CDA: variants seen among roughly 807,000 people sequenced by gnomAD.
The protein encoded by CDA is cytidine deaminase.
CDA carries 7 observed loss-of-function variants against 15.0 expected under a neutral mutation model. That is an observed-to-expected ratio of 0.47 (90% CI 0.26 to 0.87). The LOEUF is 0.87. Among genes scored for constraint, CDA ranks in the 40% least tolerant of loss-of-function variants. CDA has a pLI of 0.15. For synonymous variants in CDA, 58 were observed against 73.0 expected, an observed-to-expected ratio of 0.79 and a Z score of 1.05; for missense variants, 159 against 182.7, an observed-to-expected ratio of 0.87 and a Z score of 0.75.
intron 2 of CDA, among the ~76,000 whole-genome samples, chr1:20,611,102 C>A (rs922162282): frequency 1.3e-5 from 2 of 151,994 alleles, no homozygotes; most frequent in Non-Finnish European, 2.9e-5. Flanking sequence ...GAGTCAAGTG[C>A]GGTGGTGCGT....
intron 3 of CDA, among the ~76,000 whole-genome samples, chr1:20,617,314 T>A (rs562683100): frequency 6.6e-6 from 1 of 152,338 alleles, no homozygotes; most frequent in African/African-American, 2.4e-5. Context: ...ATCAGTAAAA[T>A]GGGCATCATG....
chr1:20,594,881 G>A (rs114089612), intron 1 of CDA, among the ~76,000 whole-genome samples: 1,961 of 152,254 alleles, frequency 0.013, 40 homozygotes, highest in African/African-American at 0.045. Flanking sequence ...CTTGCACATG[G>A]CTGAGGCTCA....
chr1:20,601,515 G>C (rs1229175193), intron 1 of CDA, among the ~76,000 whole-genome samples: 2 of 152,136 alleles, frequency 1.3e-5, no homozygotes, highest in Non-Finnish European at 2.9e-5. Context: ...CCCCAAAGTA[G>C]AATTCCAAAC....
chr1:20,617,768 C>T (rs1436797168), intron 3 of CDA, among the ~76,000 whole-genome samples: 2 of 150,638 alleles, frequency 1.3e-5, no homozygotes, highest in East Asian at 1.9e-4. Context: ...GATCTTGGCT[C>T]ACTGCAACCT....
chr1:20,614,855 C>T (rs148751768), intron 3 of CDA, among the ~76,000 whole-genome samples: 1 of 152,126 alleles, frequency 6.6e-6, no homozygotes, highest in African/African-American at 2.4e-5. Flanking sequence ...ATAAAGGAAA[C>T]TGAAGTGTAC....
chr1:20,612,729 G>A (rs2052764396), intron 2 of CDA, among the ~76,000 whole-genome samples: 2 of 152,098 alleles, frequency 1.3e-5, no homozygotes, highest in Middle Eastern at 3.4e-3. Context: ...CGGATCATGA[G>A]GTCAGGAGAT....
At position 20,618,799 on chromosome 1, in the gene CDA, T is replaced by TGA; in HGVS notation, c.*231_*232insGA. ...TTTCCTTTCCTTCCTGTGGGCCCTC[T>TGA]TTCAAAGTCCAGCCTAGTCTGGACT... On this transcript the variant is annotated 3_prime_UTR_variant, in exon 4 of 4. Transcript: ENST00000375071. 1.9e-6 allele frequency: 1 copy of TGA among 527,066 alleles called. No homozygotes were observed. Among genetic ancestry groups the TGA allele is most frequent in the East Asian group, 3.5e-5 (1 of 28,366 alleles). 32.6% of individuals were successfully genotyped at this position (527,066 alleles called of 1,614,324 possible). A position where few individuals can be genotyped will look rare whatever the true frequency, so the allele number is the denominator to read the frequency against.
intron 2 of CDA, among the ~76,000 whole-genome samples, chr1:20,609,248 G>T (rs1557550066): frequency 6.6e-6 from 1 of 152,174 alleles, no homozygotes; most frequent in Non-Finnish European, 1.5e-5. Context: ...ACTTTGGAAG[G>T]CCGAGGCAGG....
At chr1:20,591,761 G>A (rs1356610297) in intron 1 of CDA, among the ~76,000 whole-genome samples, 10 of 152,112 alleles carry the variant, frequency 6.6e-5, no homozygotes, top group Non-Finnish European at 1.5e-4. Flanking sequence ...TGGAAGGCTG[G>A]TGTTTATCAA....
chr1:20,618,409 C>A, intron 3 of CDA, 43 bp from the exon 4 acceptor site: 1 of 1,166,214 alleles, frequency 8.6e-7, no homozygotes, highest in Non-Finnish European at 1.3e-6. Flanking sequence ...TCAGCCCCCT[C>A]AGCCACGCTG....
At chr1:20,602,268 G>A (rs2052651858) in intron 1 of CDA, among the ~76,000 whole-genome samples, 1 of 152,092 alleles carries the variant, frequency 6.6e-6, no homozygotes, top group African/African-American at 2.4e-5. Context: ...CCAGGGGCGG[G>A]CTGGAGTCCA....
chr1:20,589,103 G>T lies in CDA; in HGVS notation c.-27G>T. The T allele has an allele frequency of 1.2e-6, 2 of 1,613,724 alleles. No homozygotes were observed. Among genetic ancestry groups the T allele is most frequent in the Non-Finnish European group, 1.7e-6 (2 of 1,179,906 alleles). ...CTGGCCGGAGCTCCTGTTTCCCGCT[G>T]CTCTGCTGCCTGCCCGGGGTACCAA... On this transcript the variant is annotated 5_prime_UTR_variant, in exon 1 of 4. Transcript: ENST00000375071.
At chr1:20,599,034 G>C (rs1456668283) in intron 1 of CDA, among the ~76,000 whole-genome samples, 2 of 152,212 alleles carry the variant, frequency 1.3e-5, no homozygotes, top group Non-Finnish European at 2.9e-5. Flanking sequence ...CAGAGAGTTG[G>C]AGGCAGTAGT....
intron 2 of CDA, among the ~76,000 whole-genome samples, chr1:20,609,928 C>A (rs1227576428): frequency 6.6e-6 from 1 of 152,136 alleles, no homozygotes; most frequent in Non-Finnish European, 1.5e-5. Flanking sequence ...TGGAACAGAA[C>A]CTTTCATTGA....
intron 2 of CDA, among the ~76,000 whole-genome samples, chr1:20,609,780 G>C (rs988658450): frequency 1.1e-4 from 16 of 152,142 alleles, no homozygotes; most frequent in African/African-American, 3.9e-4. Context: ...AGCTTAAGAG[G>C]CCCTGGCTGC....
At chr1:20,608,618 C>G (rs1474432587) in intron 2 of CDA, among the ~76,000 whole-genome samples, 1 of 152,174 alleles carries the variant, frequency 6.6e-6, no homozygotes, top group Non-Finnish European at 1.5e-5. Context: ...CCACGTTGAC[C>G]AAGCTGGTCT....
chr1:20,600,185 C>G (rs1355667350), intron 1 of CDA, among the ~76,000 whole-genome samples: 1 of 152,220 alleles, frequency 6.6e-6, no homozygotes, highest in Non-Finnish European at 1.5e-5. Flanking sequence ...TGTGACCATC[C>G]TGAGAGACTG....
chr1:20,615,431 G>A (rs1436883948), intron 3 of CDA, among the ~76,000 whole-genome samples: 20 of 121,310 alleles, frequency 1.6e-4, no homozygotes, highest in African/African-American at 5.8e-4. Flanking sequence ...CCAGGAGTTC[G>A]AGACCTGCCT....
chr1:20,597,265 G>A (rs2052599957), intron 1 of CDA, among the ~76,000 whole-genome samples: 1 of 152,110 alleles, frequency 6.6e-6, no homozygotes, highest in Admixed American at 6.5e-5. Context: ...TGGCTAACAT[G>A]GTGAAACCCC....
Sources: gnomAD v4.1 joint callset for allele counts (sites outside exome capture counted in the v4.1 genomes callset) on GRCh38, gnomAD v4.1.1 for gene constraint, MANE v1.5 for transcripts, NCBI Gene and HGNC (gene_info 2026-07-23, HGNC 2026-07-21) for gene names.